ROBO1: variants seen among roughly 807,000 people sequenced by gnomAD.
The protein encoded by ROBO1 is roundabout homolog 1.
Under a neutral mutation model 195.9 loss-of-function variants are expected in ROBO1, and 149 were observed. The ratio of observed to expected loss-of-function variants is 0.76; its 90% CI spans 0.67 to 0.87. The LOEUF (loss-of-function observed/expected upper bound fraction) is 0.87. ROBO1 is among the 40% of genes least tolerant of loss of function. The pLI is 0.00. For missense variants in ROBO1, 1,933 were observed against 2,068.3 expected (o/e 0.93, Z 1.27); for synonymous variants, 816 against 733.2 (o/e 1.11, Z -1.82).
At chr3:78,621,976 TAATC>T (rs1704485677) in intron 26 of ROBO1, among the ~76,000 whole-genome samples, 1 of 152,192 alleles carries the variant, frequency 6.6e-6, no homozygotes, top group Non-Finnish European at 1.5e-5. Flanking sequence ...TTATCTGTAT[TAATC>T]AAACAAGTAA....
At chr3:79,582,925 C>T (rs1300458073) in intron 2 of ROBO1, among the ~76,000 whole-genome samples, 2 of 151,968 alleles carry the variant, frequency 1.3e-5, no homozygotes, top group Admixed American at 1.3e-4. Context: ...GTGTAATAAA[C>T]AGCAAGCTAT....
chr3:79,414,221 C>A (rs1559881924), intron 2 of ROBO1, among the ~76,000 whole-genome samples: 1 of 150,818 alleles, frequency 6.6e-6, no homozygotes, highest in Non-Finnish European at 1.5e-5. Flanking sequence ...CTCTCTCCCT[C>A]CTCTTTCTCT....
Position 78,670,180 on chromosome 3 carries a change from C to G in ROBO1, c.1464G>C (p.Trp488Cys), listed in dbSNP as rs1451043364. ...TTGAAACGAGGACTCCATCCTTTCT[C>G]CACAGAATGGTGGGCACTGGACTGC... Reference protein sequence around the residue: ...ATGSPVPTILWRKDGVLVSTQ... With the variant: ...ATGSPVPTILCRKDGVLVSTQ... Residue 488 changes from tryptophan (W) to cysteine (C), a missense_variant, in exon 11 of 31, where the codon TGG (tryptophan) becomes TGC (cysteine). Trp to Cys is a radical substitution (Grantham distance 215, BLOSUM62 -2). This residue lies in a region of ROBO1 where 1,737 missense variants were observed against 1,882.5 expected (regional missense o/e 0.92). Transcript: ENST00000464233. The G allele has an allele frequency of 6.2e-7, 1 of 1,612,612 alleles. No homozygotes were observed. The highest frequency in any genetic ancestry group is 2.2e-5 in the East Asian group (1 of 44,850).
intron 4 of ROBO1, among the ~76,000 whole-genome samples, chr3:78,838,437 G>GA (rs1352641736): frequency 6.6e-6 from 1 of 152,024 alleles, no homozygotes; most frequent in Non-Finnish European, 1.5e-5. Flanking sequence ...ACTTACAAAG[G>GA]AAAAAAGGGT....
chr3:79,291,130 C>G (rs1379203662), intron 2 of ROBO1, among the ~76,000 whole-genome samples: 1 of 152,172 alleles, frequency 6.6e-6, no homozygotes, highest in African/African-American at 2.4e-5. Context: ...CTATTTTAAT[C>G]CATTGAGACC....
rs530726543 is a variant in ROBO1, at chr3:78,692,317, T to G, written c.1046-3545A>C. ...TCTTGTCTCACTCTGTTGCCCAGGC[T>G]GGAGTGCAGTGGCACAATCATGGCT... is the stretch of plus-strand genomic sequence containing the variant. On this transcript the variant is annotated intron_variant, in intron 8 of 30. Coordinates refer to ENST00000464233, the MANE Select transcript of ROBO1 (RefSeq NM_002941.4). 5.9e-5 allele frequency among the ~76,000 whole-genome samples: 9 copies of G among 152,284 alleles called. No homozygotes were observed. In the South Asian group the frequency reaches 1.9e-3, roughly 32 times the overall value.
intron 1 of ROBO1, among the ~76,000 whole-genome samples, chr3:79,646,687 G>A (rs1945830778): frequency 6.6e-6 from 1 of 152,014 alleles, no homozygotes; most frequent in African/African-American, 2.4e-5. Context: ...AATAGATAAA[G>A]AAAATGTAGT....
chr3:79,140,809 C>T (rs943293257), intron 2 of ROBO1, among the ~76,000 whole-genome samples: 1 of 152,092 alleles, frequency 6.6e-6, no homozygotes, highest in African/African-American at 2.4e-5. Flanking sequence ...AACTGTGTTT[C>T]TTCACATCTT....
At chr3:79,187,982 CA>C (rs1196347510) in intron 2 of ROBO1, among the ~76,000 whole-genome samples, 1 of 151,878 alleles carries the variant, frequency 6.6e-6, no homozygotes, top group Non-Finnish European at 1.5e-5. Flanking sequence ...AAGGTCTATT[CA>C]AATATCAACA....
chr3:78,919,973 T>C (rs993489096), intron 4 of ROBO1, among the ~76,000 whole-genome samples: 1 of 152,208 alleles, frequency 6.6e-6, no homozygotes, highest in African/African-American at 2.4e-5. Context: ...GAAAATGTAA[T>C]AGTTTCATGT....
At chr3:78,852,862 A>G (rs1033100512) in intron 4 of ROBO1, among the ~76,000 whole-genome samples, 1 of 152,180 alleles carries the variant, frequency 6.6e-6, no homozygotes, top group African/African-American at 2.4e-5. Context: ...AGAAAAGACA[A>G]ATGGTAGTGA....
At chr3:78,902,713 G>A (rs1280151607) in intron 4 of ROBO1, among the ~76,000 whole-genome samples, 3 of 151,958 alleles carry the variant, frequency 2.0e-5, no homozygotes, top group Non-Finnish European at 4.4e-5. Flanking sequence ...TGTGGTGGCA[G>A]GCACCTGTAA....
At chr3:79,761,906 T>C (rs1388937749) in intron 1 of ROBO1, among the ~76,000 whole-genome samples, 1 of 152,190 alleles carries the variant, frequency 6.6e-6, no homozygotes, top group East Asian at 1.9e-4. Context: ...TAGATTCTGT[T>C]AATATGTGGA....
At chr3:78,795,608 A>G (rs1387860052) in intron 4 of ROBO1, among the ~76,000 whole-genome samples, 3 of 152,270 alleles carry the variant, frequency 2.0e-5, no homozygotes, top group Non-Finnish European at 4.4e-5. Flanking sequence ...AAGATGATTG[A>G]TAACTTCTTT....
chr3:79,582,025 C>T (rs1560013218), intron 2 of ROBO1, among the ~76,000 whole-genome samples: 1 of 151,826 alleles, frequency 6.6e-6, no homozygotes, highest in East Asian at 1.9e-4. Context: ...TATACATATG[C>T]ACACATATAT....
At chr3:78,933,649 T>C (rs1034776217) in intron 4 of ROBO1, among the ~76,000 whole-genome samples, 3 of 152,072 alleles carry the variant, frequency 2.0e-5, no homozygotes, top group African/African-American at 7.2e-5. Flanking sequence ...TATATTGTTA[T>C]GCAAGGCAAT....
chr3:78,910,937 T>C (rs190866491), intron 4 of ROBO1, among the ~76,000 whole-genome samples: 11 of 152,090 alleles, frequency 7.2e-5, no homozygotes, highest in Non-Finnish European at 1.6e-4. Flanking sequence ...ATCTGCTAAA[T>C]CAGAAGATCT....
chr3:79,052,172 A>G (rs1468672566), intron 3 of ROBO1, among the ~76,000 whole-genome samples: 1 of 152,108 alleles, frequency 6.6e-6, no homozygotes, highest in Non-Finnish European at 1.5e-5. Context: ...AGCAAGTAAT[A>G]GCCCTGGGAA....
At chr3:79,101,622 T>C (rs1234887901) in intron 3 of ROBO1, among the ~76,000 whole-genome samples, 2 of 151,814 alleles carry the variant, frequency 1.3e-5, no homozygotes, top group Non-Finnish European at 2.9e-5. Flanking sequence ...GGCAGAGCTC[T>C]GCTAATCTGA....
Sources: gnomAD v4.1 joint callset for allele counts (sites outside exome capture counted in the v4.1 genomes callset) on GRCh38, gnomAD v4.1.1 for gene constraint, gnomAD v4.1.1 regional missense constraint, MANE v1.5 for transcripts, NCBI Gene and HGNC (gene_info 2026-07-23, HGNC 2026-07-21) for gene names.